The following TECRL variants were observed in gnomAD, a reference collection of about 807,000 sequenced individuals.
TECRL encodes the protein trans-2,3-enoyl-CoA reductase like.
TECRL carries 63 observed loss-of-function variants against 52.8 expected under a neutral mutation model. The ratio of observed to expected loss-of-function variants is 1.19; its 90% CI spans 0.97 to 1.47. The LOEUF is 1.47. Ranked by LOEUF, TECRL falls within the 40% of genes most tolerant of loss-of-function variation. The pLI is 0.00. For missense variants in TECRL, 482 were observed against 429.6 expected (o/e 1.12, Z -1.08); for synonymous variants, 164 against 141.9 (o/e 1.16, Z -1.10).
intron 2 of TECRL, among the ~76,000 whole-genome samples, chr4:64,355,585 T>G (rs185953808): frequency 6.6e-6 from 1 of 152,020 alleles, no homozygotes. Flanking sequence ...GATGACGATG[T>G]CAGGAGATCG....
intron 1 of TECRL, among the ~76,000 whole-genome samples, chr4:64,390,309 C>G (rs546677725): frequency 8.6e-5 from 13 of 151,920 alleles, no homozygotes; most frequent in Non-Finnish European, 1.8e-4. Flanking sequence ...GCTGTGTTCC[C>G]TCTCTGGGCA....
intron 1 of TECRL, among the ~76,000 whole-genome samples, chr4:64,399,601 C>T (rs1724208836): frequency 6.6e-6 from 1 of 152,144 alleles, no homozygotes; most frequent in Non-Finnish European, 1.5e-5. Flanking sequence ...AGGTTTTGAG[C>T]CCTGCTGCCT....
intron 2 of TECRL, among the ~76,000 whole-genome samples, chr4:64,351,080 A>G (rs1257556284): frequency 1.2e-5 from 1 of 83,814 alleles, no homozygotes; most frequent in Admixed American, 1.3e-4. Flanking sequence ...CATATTTAGA[A>G]ACTAAATAAG....
rs1333410627 is a variant in TECRL at position 64,277,768 on chromosome 4, T to G, written c.*2304A>C. 1 of 148,432 alleles carries G rather than the reference T, an allele frequency of 6.7e-6. No individual in the cohort carries two copies. Among genetic ancestry groups the G allele is most frequent in the African/African-American group, 2.5e-5 (1 of 40,246 alleles). The allele number at this position is 148,432 out of a possible 1,614,324, so 9.2% of individuals were successfully genotyped here. ...TGAAAATACTCCATAGACTAACAAATCTAAAAATCACAATTTAAAAATGAA... is the reference window on the plus strand; with the variant it reads ...TGAAAATACTCCATAGACTAACAAAGCTAAAAATCACAATTTAAAAATGAA... On this transcript the variant is annotated 3_prime_UTR_variant, in exon 12 of 12. Coordinates refer to ENST00000381210, the MANE Select transcript of TECRL (RefSeq NM_001010874.5).
intron 2 of TECRL, among the ~76,000 whole-genome samples, chr4:64,334,809 A>C (rs2110059470): frequency 6.6e-6 from 1 of 152,318 alleles, no homozygotes; most frequent in African/African-American, 2.4e-5. Context: ...GCAAGAATTA[A>C]GTGGGGCAGG....
chr4:64,364,049 TA>T (rs1721413893), intron 2 of TECRL, among the ~76,000 whole-genome samples: 1 of 151,982 alleles, frequency 6.6e-6, no homozygotes, highest in Admixed American at 6.6e-5. Flanking sequence ...AAACTGAAAT[TA>T]TTCCAGTTAC....
rs773380078 is a variant in TECRL at position 64,409,398 on chromosome 4, C to A, written c.-47G>T. 6.3e-7 allele frequency: 1 copy of A among 1,591,956 alleles called. No homozygotes were observed. The highest frequency in any genetic ancestry group is 8.6e-7 in the Non-Finnish European group (1 of 1,167,988). ...CTGTCATGTCAAAAGTAGAAAATTG[C>A]AAGTGTGTTCCTTTTGCATCAGTTA... On this transcript the variant is annotated 5_prime_UTR_variant, in exon 1 of 12. Transcript: ENST00000381210.
chr4:64,350,125 A>G (rs567998044), intron 2 of TECRL, among the ~76,000 whole-genome samples: 3 of 152,292 alleles, frequency 2.0e-5, no homozygotes, highest in East Asian at 3.9e-4. Flanking sequence ...AAAGTTATCA[A>G]TGTCCCACAA....
chr4:64,350,174 C>T (rs958216964), intron 2 of TECRL, among the ~76,000 whole-genome samples: 1 of 152,166 alleles, frequency 6.6e-6, no homozygotes, highest in African/African-American at 2.4e-5. Context: ...AGTCAGAACA[C>T]ATCTTTTTAG....
At chr4:64,303,482 C>A (rs1288195851) in intron 7 of TECRL, among the ~76,000 whole-genome samples, 1 of 151,656 alleles carries the variant, frequency 6.6e-6, no homozygotes, top group Non-Finnish European at 1.5e-5. Flanking sequence ...ATTGGCTAAC[C>A]TCTTGCACAG....
At chr4:64,354,513 G>A (rs11131526) in intron 2 of TECRL, among the ~76,000 whole-genome samples, 99,664 of 150,692 alleles carry the variant, frequency 0.66, 34,290 homozygotes, top group Non-Finnish European at 0.76. Context: ...AGGAGAAGTA[G>A]ATAATCTTAA....
Position 64,352,687 on chromosome 4 carries a change from T to C in TECRL, c.286+22485A>G, listed in dbSNP as rs77547247. The stretch of plus-strand genomic sequence containing the variant: ...TAAAATTGAAGCTGCTTTAAAAGCA[T>C]GTATATGCTCATGCACATACATATC... On this transcript the variant is annotated intron_variant, in intron 2 of 11. Transcript: ENST00000381210. Among the ~76,000 whole-genome samples, 7 of 152,352 alleles carry C rather than the reference T, an allele frequency of 4.6e-5. No individual in the cohort carries two copies. The East Asian group carries it at 1.3e-3, about 29-fold the overall frequency.
chr4:64,364,533 G>T (rs1577940078), intron 2 of TECRL, among the ~76,000 whole-genome samples: 1 of 151,738 alleles, frequency 6.6e-6, no homozygotes, highest in Non-Finnish European at 1.5e-5. Context: ...AAGAACAAAA[G>T]AGAGAAGTTC....
chr4:64,282,234 TAAC>T (rs1722865299), intron 9 of TECRL, among the ~76,000 whole-genome samples: 1 of 151,960 alleles, frequency 6.6e-6, no homozygotes, highest in African/African-American at 2.4e-5. Flanking sequence ...ACATTTTAGA[TAAC>T]AAATTTTTAA....
intron 1 of TECRL, among the ~76,000 whole-genome samples, chr4:64,378,586 A>C (rs1490297121): frequency 6.6e-6 from 1 of 152,148 alleles, no homozygotes; most frequent in Non-Finnish European, 1.5e-5. Flanking sequence ...GGATTTTCTC[A>C]GTAAGCAAAT....
chr4:64,316,158 C>G (rs1278892417), intron 4 of TECRL, among the ~76,000 whole-genome samples: 1 of 151,986 alleles, frequency 6.6e-6, no homozygotes, highest in Non-Finnish European at 1.5e-5. Context: ...AGCAAATTCT[C>G]TAAGAATATA....
At chr4:64,345,907 CAAAAAAAAAAA>C (rs777171822) in intron 2 of TECRL, among the ~76,000 whole-genome samples, 2 of 23,350 alleles carry the variant, frequency 8.6e-5, no homozygotes, top group African/African-American at 3.7e-4. Context: ...GCCTCAACAG[CAAAAAAAAAAA>C]AAAAAAAAAA....
intron 4 of TECRL, among the ~76,000 whole-genome samples, chr4:64,320,495 TGTAGAAATATCCA>T (rs1717827767): frequency 6.6e-6 from 1 of 152,034 alleles, no homozygotes; most frequent in African/African-American, 2.4e-5. Context: ...ATGGGGTTGA[TGTAGAAATATCCA>T]GCCTATTTGC....
chr4:64,322,374 G>T (rs1047858557), intron 4 of TECRL, among the ~76,000 whole-genome samples: 3 of 149,896 alleles, frequency 2.0e-5, no homozygotes, highest in Admixed American at 1.3e-4. Context: ...TTTCTGTGCA[G>T]TGAGCAGCAG....
Sources: gnomAD v4.1 joint callset for allele counts (sites outside exome capture counted in the v4.1 genomes callset) on GRCh38, gnomAD v4.1.1 for gene constraint, MANE v1.5 for transcripts, NCBI Gene and HGNC (gene_info 2026-07-23, HGNC 2026-07-21) for gene names.